Variants in ARID4A observed in about 807,000 individuals in gnomAD.
ARID4A encodes AT-rich interaction domain 4A.
In ARID4A, 39 loss-of-function variants were observed where a neutral mutation model predicts 148.6. That is an observed-to-expected ratio of 0.26 (90% CI 0.20 to 0.34). The LOEUF is 0.34. ARID4A is among the 10% of genes least tolerant of loss of function. The pLI is 1.00. For synonymous variants in ARID4A, 475 were observed against 481.2 expected (o/e 0.99, Z 0.17); for missense variants, 1,265 against 1,449.1 (o/e 0.87, Z 2.06).
chr14:58,342,098 C>G (rs1190836680), intron 11 of ARID4A, among the ~76,000 whole-genome samples: 1 of 152,196 alleles, frequency 6.6e-6, no homozygotes, highest in Non-Finnish European at 1.5e-5. Flanking sequence ...TGGAGGCGTT[C>G]TCTAGCATAT....
In ARID4A at chr14:58,360,963, A is replaced by G. The variant is rs777335093; in HGVS notation, c.2001A>G (p.Gly667=). 6.2e-7 allele frequency: 1 copy of G among 1,614,162 alleles called. No homozygotes were observed. Residue 667 remains glycine (G), a synonymous_variant, in exon 19 of 24, where the codon GGA becomes GGG. Transcript: ENST00000355431. ...RDEERQKSKR[G]RPPLKSTLSS... The stretch of plus-strand genomic sequence containing the variant: ...AGGAGAGGCAGAAGTCAAAACGGGG[A>G]CGACCTCCTTTAAAATCAACCCTCT...
At chr14:58,340,673 C>T (rs192117233) in intron 11 of ARID4A, among the ~76,000 whole-genome samples, 3 of 150,544 alleles carry the variant, frequency 2.0e-5, no homozygotes, top group Non-Finnish European at 4.4e-5. Context: ...TTAGTAGAGA[C>T]GGGACTTCAC....
At chr14:58,365,451 GAATAATAT>G (rs2035315918) in intron 20 of ARID4A, 59 bp from the exon 21 acceptor site, 1 of 1,056,372 alleles carries the variant, frequency 9.5e-7, no homozygotes, top group Admixed American at 2.8e-5. Flanking sequence ...GTAGTCTGTT[GAATAATAT>G]ACTTGCTCTT....
At chr14:58,342,505 A>G (rs1039819059) in intron 11 of ARID4A, among the ~76,000 whole-genome samples, 2 of 152,230 alleles carry the variant, frequency 1.3e-5, no homozygotes, top group African/African-American at 4.8e-5. Context: ...GCAATTGATG[A>G]GTTGATTTTG....
chr14:58,310,735 T>G (rs1197003167), intron 5 of ARID4A, among the ~76,000 whole-genome samples: 4 of 150,358 alleles, frequency 2.7e-5, no homozygotes, highest in Non-Finnish European at 4.4e-5. Flanking sequence ...TTTTTTTTAA[T>G]GACCCCAGAA....
chr14:58,353,204 A>C (rs144547143), intron 16 of ARID4A, among the ~76,000 whole-genome samples: 2 of 152,174 alleles, frequency 1.3e-5, no homozygotes, highest in Non-Finnish European at 2.9e-5. Context: ...AATATCCTTA[A>C]ATCTTTTTTT....
chr14:58,351,364 GGGTAC>G (rs2034631264), intron 16 of ARID4A, 41 bp downstream of exon 16: 1 of 1,562,012 alleles, frequency 6.4e-7, no homozygotes, highest in South Asian at 1.2e-5. Context: ...CACCTGTCTG[GGGTAC>G]AACAGCGCTT....
chr14:58,372,826 G>A lies in ARID4A; in HGVS notation c.*837G>A, dbSNP rs2035666660. The A allele has an allele frequency of 5.6e-6, 1 of 179,078 alleles. No homozygotes were observed. The highest frequency in any genetic ancestry group is 9.5e-5 in the East Asian group (1 of 10,556). 11.1% of individuals were successfully genotyped at this position (179,078 alleles called of 1,614,324 possible). Reference sequence around the variant, plus strand: ...AGATTTCTAAAGCTGAAATTTTTGTGTAAAATAAGGTATTATCTTGCAACT... The same window carrying A: ...AGATTTCTAAAGCTGAAATTTTTGTATAAAATAAGGTATTATCTTGCAACT... On this transcript the variant is annotated 3_prime_UTR_variant, in exon 24 of 24. Transcript: ENST00000355431.
rs1255021613 is a variant in ARID4A, at chr14:58,322,980, A to AAAAAATAT, written c.450-504_450-503insAAAATATA. On this transcript the variant is annotated intron_variant, in intron 7 of 23. Transcript: ENST00000355431. ...TCCATTTCCAAAAAAAAAAAAAAAA[A>AAAAAATAT]ATATATATATATATATATATATATG... Among the ~76,000 whole-genome samples the AAAAAATAT allele has an allele frequency of 8.3e-4, 95 of 114,242 alleles. No individual in the cohort carries two copies. In the East Asian group the frequency reaches 0.019, roughly 23 times the overall value. The allele number at this position is 114,242 out of a possible 152,430, so 74.9% of individuals were successfully genotyped here.
intron 5 of ARID4A, among the ~76,000 whole-genome samples, chr14:58,309,418 A>AAAGATAAGGAATCTGTAATATGTGG: frequency 6.6e-6 from 1 of 152,372 alleles, no homozygotes; most frequent in East Asian, 1.9e-4. Flanking sequence ...CCTTGCCATT[A>AAAGATAAGGAATCTGTAATATGTGG]AAGATAAGGA....
intron 11 of ARID4A, among the ~76,000 whole-genome samples, chr14:58,335,896 T>C (rs1594917500): frequency 6.6e-6 from 1 of 152,142 alleles, no homozygotes; most frequent in South Asian, 2.1e-4. Context: ...CCAATCTTAC[T>C]CCAAGCCACT....
At chr14:58,359,443 C>T (rs890877469) in intron 18 of ARID4A, among the ~76,000 whole-genome samples, 2 of 152,170 alleles carry the variant, frequency 1.3e-5, no homozygotes, top group African/African-American at 2.4e-5. Flanking sequence ...TACATTGACA[C>T]ATTATTGTCA....
At chr14:58,348,950 G>A (rs1020096474) in intron 15 of ARID4A, among the ~76,000 whole-genome samples, 5 of 151,938 alleles carry the variant, frequency 3.3e-5, no homozygotes, top group African/African-American at 9.7e-5. Context: ...TGTCACCACC[G>A]TCCAGTTCCA....
intron 5 of ARID4A, among the ~76,000 whole-genome samples, chr14:58,315,648 T>C (rs954024672): frequency 1.3e-5 from 2 of 152,186 alleles, no homozygotes; most frequent in African/African-American, 4.8e-5. Flanking sequence ...CTAACAAGAA[T>C]TATATTGTTT....
chr14:58,364,561 A>G lies in ARID4A; in HGVS notation c.2472A>G (p.Glu824=), dbSNP rs201835813. 1.2e-5 allele frequency: 19 copies of G among 1,610,962 alleles called. No homozygotes were observed. In the Admixed American group the frequency reaches 2.5e-4, roughly 21 times the overall value. ...AAGCAGGAAGTGAACCTCATATAGA[A>G]GCTCATAGTCTTGAATTGTCTTCAT... ...QNEAGSEPHI[E]AHSLELSSLD... The change falls in exon 20 of 24, where the codon GAA becomes GAG. Residue 824 remains glutamate (E), a synonymous_variant. Transcript: ENST00000355431.
At position 58,371,851 on chromosome 14, in the gene ARID4A, T is replaced by C. The variant is rs199739041; in HGVS notation, c.3671-35T>C. ...TTAGCTGGGTATCTTTGTGTAACAG[T>C]TTTTGGATCTAACATAGTTGTTTTG... On this transcript the variant is annotated intron_variant, in intron 23 of 23. Coordinates refer to ENST00000355431, the MANE Select transcript of ARID4A (RefSeq NM_002892.4). The C allele has an allele frequency of 7.8e-5, 118 of 1,508,432 alleles. No homozygotes were observed. In the African/African-American group the frequency reaches 1.1e-3, roughly 14 times the overall value. The allele number at this position is 1,508,432 out of a possible 1,614,324, so 93.4% of individuals were successfully genotyped here. A position where few individuals can be genotyped will look rare whatever the true frequency, so the allele number is the denominator to read the frequency against.
intron 3 of ARID4A, among the ~76,000 whole-genome samples, chr14:58,302,409 G>T: frequency 6.6e-6 from 1 of 152,152 alleles, no homozygotes; most frequent in Non-Finnish European, 1.5e-5. Flanking sequence ...CAGGAGAATT[G>T]CTTGAACCCG....
At chr14:58,308,259 A>G (rs1285480559) in intron 5 of ARID4A, among the ~76,000 whole-genome samples, 1 of 152,190 alleles carries the variant, frequency 6.6e-6, no homozygotes, top group East Asian at 1.9e-4. Flanking sequence ...TTAATTGCAT[A>G]TAATTGAGGT....
At chr14:58,307,983 C>T (rs914811813) in intron 5 of ARID4A, among the ~76,000 whole-genome samples, 2 of 126,246 alleles carry the variant, frequency 1.6e-5, no homozygotes, top group Non-Finnish European at 3.3e-5. Context: ...TATTTTAACT[C>T]ACTATAAAGG....
Sources: gnomAD v4.1 joint callset for allele counts (sites outside exome capture counted in the v4.1 genomes callset) on GRCh38, gnomAD v4.1.1 for gene constraint, MANE v1.5 for transcripts, NCBI Gene and HGNC (gene_info 2026-07-23, HGNC 2026-07-21) for gene names.